The following VCL variants were observed in gnomAD, a reference collection of about 807,000 sequenced individuals.
VCL encodes vinculin, also known as epididymis luminal protein 114.
VCL carries 47 observed loss-of-function variants against 125.7 expected under a neutral mutation model. That is an observed-to-expected ratio of 0.37 (90% CI 0.30 to 0.48). VCL has a LOEUF of 0.48. VCL is among the 20% of genes least tolerant of loss of function. The probability of loss-of-function intolerance (pLI) is 0.99; values close to 1 mark genes in which losing one functional copy is unlikely to be tolerated. For synonymous variants in VCL, 458 were observed against 514.6 expected (o/e 0.89, Z 1.49); for missense variants, 1,069 against 1,455.5 (o/e 0.73, Z 4.32).
chr10:74,014,026 T>C (rs1840488167), intron 1 of VCL, among the ~76,000 whole-genome samples: 1 of 152,196 alleles, frequency 6.6e-6, no homozygotes. Context: ...GGGGAAAATA[T>C]CACAGTTTTA....
chr10:74,019,152 G>A (rs1310040931), intron 1 of VCL, among the ~76,000 whole-genome samples: 1 of 152,182 alleles, frequency 6.6e-6, no homozygotes, highest in Non-Finnish European at 1.5e-5. Flanking sequence ...GTTTACGTAT[G>A]TGCAAGTACA....
chr10:74,012,998 T>C (rs1201115682), intron 1 of VCL, among the ~76,000 whole-genome samples: 2 of 152,190 alleles, frequency 1.3e-5, no homozygotes, highest in Non-Finnish European at 2.9e-5. Context: ...TTATTCACTG[T>C]TTAACATATC....
intron 1 of VCL, among the ~76,000 whole-genome samples, chr10:74,026,883 A>G (rs1287589699): frequency 6.6e-6 from 1 of 152,152 alleles, no homozygotes. Context: ...TTTTCCTAAC[A>G]TGAAAATGGG....
intron 1 of VCL, among the ~76,000 whole-genome samples, chr10:74,028,714 C>G (rs935231199): frequency 2.0e-5 from 3 of 150,786 alleles, no homozygotes; most frequent in Non-Finnish European, 4.4e-5. Context: ...TTTTTAATAA[C>G]TAAGAACACT....
intron 2 of VCL, among the ~76,000 whole-genome samples, chr10:74,052,374 G>GT (rs141633935): frequency 0.038 from 4,318 of 113,022 alleles, 204 homozygotes; most frequent in East Asian, 0.072. Context: ...TCTTCAGTTA[G>GT]TTTTTTTTTT....
chr10:74,099,729 A>G (rs1361521063), intron 13 of VCL, among the ~76,000 whole-genome samples: 1 of 152,208 alleles, frequency 6.6e-6, no homozygotes, highest in African/African-American at 2.4e-5. Flanking sequence ...GATATTAGGT[A>G]GGTAAAAGCC....
At position 74,094,461 on chromosome 10, in the gene VCL, G is replaced by A. The variant is rs1215494764; in HGVS notation, c.1543G>A (p.Gly515Ser). ...TCCCACAGTGGATGACCGTGGAGTC[G>A]GTAAGGGCAGCAGTGCACTATAACC... Reference protein sequence around the residue: ...DNPTVDDRGVGQAAIRGLVAE... With the variant: ...DNPTVDDRGVSQAAIRGLVAE... The change falls in exon 11 of 22, where the codon GGT (glycine) becomes AGT (serine). Residue 515 changes from glycine (G) to serine (S), a missense_variant and splice_region_variant. Gly to Ser is a moderately conservative substitution (Grantham distance 56). Transcript: ENST00000211998. The A allele has an allele frequency of 3.7e-6, 6 of 1,613,024 alleles. No individual in the cohort carries two copies. The highest frequency in any genetic ancestry group is 1.7e-5 in the Admixed American group (1 of 59,822).
At chr10:74,108,476 T>C (rs1322858923) in intron 17 of VCL, among the ~76,000 whole-genome samples, 1 of 152,058 alleles carries the variant, frequency 6.6e-6, no homozygotes, top group Non-Finnish European at 1.5e-5. Context: ...AGCCTTTTTT[T>C]TTTTTCTTTT....
At chr10:74,035,967 G>A (rs1467353211) in intron 1 of VCL, among the ~76,000 whole-genome samples, 2 of 152,124 alleles carry the variant, frequency 1.3e-5, no homozygotes, top group Non-Finnish European at 2.9e-5. Flanking sequence ...AAAGTATGTG[G>A]GAGGATGTGT....
Position 74,107,302 on chromosome 10 carries a change from A to G in VCL, c.2507A>G (p.Gln836Arg). 6.2e-7 allele frequency: 1 copy of G among 1,614,218 alleles called. No individual in the cohort carries two copies. The highest frequency in any genetic ancestry group is 8.5e-7 in the Non-Finnish European group (1 of 1,180,042). ...GAVAKVREAFQPQEPDFPPPP... is the reference protein window; with the variant it reads ...GAVAKVREAFRPQEPDFPPPP... ...GTGGCCAAGGTCAGAGAAGCCTTCC[A>G]ACCTCAGGAGCCTGACTTCCCGCCG... The change falls in exon 17 of 22, where the codon CAA (glutamine) becomes CGA (arginine). Residue 836 changes from glutamine (Q) to arginine (R), a missense_variant. Gln to Arg is a conservative substitution (Grantham distance 43). Coordinates refer to ENST00000211998, the MANE Select transcript of VCL (RefSeq NM_014000.3).
intron 1 of VCL, chr10:74,017,007 A>T (rs1026875977): frequency 2.0e-5 from 3 of 150,844 alleles, no homozygotes; most frequent in South Asian, 2.1e-4. Context: ...AATGTCTTCA[A>T]GGTTCATCCA....
At chr10:74,036,184 C>T (rs1227917630) in intron 1 of VCL, among the ~76,000 whole-genome samples, 1 of 152,110 alleles carries the variant, frequency 6.6e-6, no homozygotes, top group South Asian at 2.1e-4. Flanking sequence ...TCTGTTTGTT[C>T]TTTTCTCTGT....
At chr10:74,023,077 A>G (rs12570572) in intron 1 of VCL, among the ~76,000 whole-genome samples, 23,315 of 152,172 alleles carry the variant, frequency 0.15, 1,877 homozygotes, top group East Asian at 0.22. Context: ...AGTGAACTTG[A>G]TATTTATTGA....
intron 2 of VCL, chr10:74,063,641 A>C (rs1424056772): frequency 6.6e-6 from 1 of 152,208 alleles, no homozygotes; most frequent in African/African-American, 2.4e-5. Flanking sequence ...ATGAGGACAA[A>C]ACAGACATTA....
At chr10:74,032,152 T>TCACC (rs961248073) in intron 1 of VCL, among the ~76,000 whole-genome samples, 6 of 129,956 alleles carry the variant, frequency 4.6e-5, no homozygotes, top group Non-Finnish European at 7.8e-5. Flanking sequence ...GGTGGGAGGA[T>TCACC]CACCTGAGCC....
At chr10:74,082,628 C>A in intron 7 of VCL, 84 bp downstream of exon 7, 2 of 1,403,232 alleles carry the variant, frequency 1.4e-6, no homozygotes, top group Admixed American at 1.8e-5. Context: ...TTCCCATAAT[C>A]TCATCATCTG....
In VCL at chr10:74,112,127, C is replaced by G. The variant is rs1384341637; in HGVS notation, c.2949+15C>G. ...GGTCTAGTAAGGTACTGATAAGCACCCCCAGTTGGGGGCTGCTCCATATGC... is the reference window on the plus strand; with the variant it reads ...GGTCTAGTAAGGTACTGATAAGCACGCCCAGTTGGGGGCTGCTCCATATGC... On this transcript the variant is annotated intron_variant, in intron 19 of 21. Transcript: ENST00000211998. 3 of 1,614,100 alleles carry G rather than the reference C, an allele frequency of 1.9e-6. No individual in the cohort carries two copies. The highest frequency in any genetic ancestry group is 2.5e-6 in the Non-Finnish European group (3 of 1,180,020).
At position 74,074,866 on chromosome 10, in the gene VCL, A is replaced by T; in HGVS notation, c.746A>T (p.Gln249Leu). The T allele has an allele frequency of 6.2e-7, 1 of 1,614,170 alleles. No homozygotes were observed. The highest frequency in any genetic ancestry group is 8.5e-7 in the Non-Finnish European group (1 of 1,180,020). Residue 249 changes from glutamine to leucine, a missense_variant, in exon 6 of 22, where the codon CAA becomes CTA. Physicochemically the swap from Gln to Leu is moderately radical, Grantham distance 113. Transcript: ENST00000211998. Reference sequence around the variant, plus strand: ...ATTAATGAGATAATTCGTGTGTTACAACTCACCTCTTGGGATGAAGATGCC... The same window carrying T: ...ATTAATGAGATAATTCGTGTGTTACTACTCACCTCTTGGGATGAAGATGCC... ...AEINEIIRVL[Q>L]LTSWDEDAWA... is the part of the protein sequence containing the mutation.
Position 74,089,745 on chromosome 10 carries a change from T to C in VCL, c.1177-278T>C, listed in dbSNP as rs7073889. Among the ~76,000 whole-genome samples, 8,308 of 152,214 alleles carry C rather than the reference T, an allele frequency of 0.055. 789 individuals are homozygous for C. Among genetic ancestry groups the C allele is most frequent in the African/African-American group, 0.19 (7,849 of 41,498 alleles). On this transcript the variant is annotated intron_variant, in intron 9 of 21. Transcript: ENST00000211998. ...TTTTCAAGCATTTCACAAACACACATGTTTGAGGAACTGAGGAACTAATAA... is the reference window on the plus strand; with the variant it reads ...TTTTCAAGCATTTCACAAACACACACGTTTGAGGAACTGAGGAACTAATAA...
Sources: allele counts gnomAD v4.1 joint callset (sites outside exome capture counted in the v4.1 genomes callset), GRCh38; gene constraint gnomAD v4.1.1; transcripts MANE v1.5; gene names NCBI Gene and HGNC (gene_info 2026-07-23, HGNC 2026-07-21).